SCGB2B2: variants seen among roughly 807,000 people sequenced by gnomAD.
SCGB2B2 encodes the protein secretoglobin-like protein.
SCGB2B2 carries 11 observed loss-of-function variants against 7.6 expected under a neutral mutation model. The ratio of observed to expected loss-of-function variants is 1.45; its 90% confidence interval spans 0.91 to 2.40. The LOEUF (loss-of-function observed/expected upper bound fraction) is 2.40. Ranked by LOEUF, SCGB2B2 falls within the 30% of genes most tolerant of loss-of-function variation. The pLI, the probability that SCGB2B2 is intolerant of heterozygous loss-of-function variation, is 0.00. For synonymous variants in SCGB2B2, 50 were observed against 48.6 expected (o/e 1.03, Z -0.12); for missense variants, 104 against 115.4 (o/e 0.90, Z 0.45).
In SCGB2B2 at chr19:34,594,904, T is replaced by C. The variant is rs888564946; in HGVS notation, c.-341A>G. The C allele has an allele frequency of 2.9e-6, 1 of 344,376 alleles. No individual in the cohort carries two copies. Among genetic ancestry groups the C allele is most frequent in the Non-Finnish European group, 5.6e-6 (1 of 179,966 alleles). 21.3% of individuals were successfully genotyped at this position (344,376 alleles called of 1,614,324 possible). On this transcript the variant is annotated 5_prime_UTR_variant, in exon 2 of 4. An upstream start codon of the reference 5' UTR is lost. Coordinates refer to ENST00000601241, the MANE Select transcript of SCGB2B2 (RefSeq NM_001025591.4). ...CTGCAAGTCTGAGTGTGCATGCACA[T>C]GTGACCCTGTGTCTTGGCAAACGTG...
chr19:34,649,904 C>T (rs2067119608), intron 1 of SCGB2B2, among the ~76,000 whole-genome samples: 1 of 151,224 alleles, frequency 6.6e-6, no homozygotes, highest in Non-Finnish European at 1.5e-5. Context: ...TCTCTGATCT[C>T]TGCTAGGGTG....
chr19:34,676,562 A>C lies in SCGB2B2; in HGVS notation c.-2964T>G, dbSNP rs979690029. ...CTGCTGCTCTAACAATGGAGTACCC[A>C]TTGTTTCTTTACTTTCTTAATACAC... On this transcript the variant is annotated 5_prime_UTR_variant, in exon 1 of 4. It removes an upstream start codon present in the reference 5' UTR. Coordinates refer to ENST00000601241, the MANE Select transcript of SCGB2B2 (RefSeq NM_001025591.4). 1 of 152,050 alleles carries C rather than the reference A, an allele frequency of 6.6e-6. No homozygotes were observed. Among genetic ancestry groups the C allele is most frequent in the East Asian group, 1.9e-4 (1 of 5,174 alleles). The allele number at this position is 152,050 out of a possible 1,614,324, so 9.4% of individuals were successfully genotyped here.
At position 34,671,179 on chromosome 19, in the gene SCGB2B2, G is replaced by A. The variant is rs992155766; in HGVS notation, c.-2032+4451C>T. On this transcript the variant is annotated intron_variant, in intron 1 of 3. Coordinates refer to ENST00000601241, the MANE Select transcript of SCGB2B2 (RefSeq NM_001025591.4). The stretch of plus-strand genomic sequence containing the variant: ...TACACCCACCTTGGCCTCCCAAAGT[G>A]CTGGGATTAAGGGCTGAGCTACTGC... Among the ~76,000 whole-genome samples the A allele has an allele frequency of 5.3e-5, 8 of 152,322 alleles. No homozygotes were observed. In the East Asian group the frequency reaches 1.5e-3, roughly 29 times the overall value.
intron 1 of SCGB2B2, among the ~76,000 whole-genome samples, chr19:34,664,018 C>A (rs1320977322): frequency 1.4e-5 from 2 of 141,498 alleles, no homozygotes; most frequent in African/African-American, 5.1e-5. Flanking sequence ...AGGGACTACT[C>A]CCCACTCAGC....
intron 1 of SCGB2B2, among the ~76,000 whole-genome samples, chr19:34,602,990 G>A (rs1476799251): frequency 6.6e-6 from 1 of 152,094 alleles, no homozygotes; most frequent in Non-Finnish European, 1.5e-5. Context: ...TTAAGTATTT[G>A]CCAGAACTTT....
intron 1 of SCGB2B2, among the ~76,000 whole-genome samples, chr19:34,602,003 G>A (rs995469850): frequency 9.9e-5 from 15 of 152,180 alleles, no homozygotes; most frequent in African/African-American, 3.6e-4. Flanking sequence ...AGTATTTCTG[G>A]ATACCCTTCA....
intron 1 of SCGB2B2, among the ~76,000 whole-genome samples, chr19:34,650,901 C>A (rs1458330127): frequency 6.6e-6 from 1 of 151,206 alleles, no homozygotes; most frequent in Non-Finnish European, 1.5e-5. Context: ...AGTAATCATT[C>A]CCCATGACCA....
chr19:34,644,364 T>TG (rs1488233744), intron 1 of SCGB2B2, among the ~76,000 whole-genome samples: 5 of 146,672 alleles, frequency 3.4e-5, no homozygotes, highest in Non-Finnish European at 6.0e-5. Flanking sequence ...TTTTTTTTGT[T>TG]TTTTTTTTTT....
chr19:34,591,016 AG>A lies in SCGB2B2; in HGVS notation c.*2538del, dbSNP rs1461567554. Among the ~76,000 whole-genome samples, 2 of 152,262 alleles carry A rather than the reference AG, an allele frequency of 1.3e-5. No individual in the cohort carries two copies. Among genetic ancestry groups the A allele is most frequent in the Non-Finnish European group, 2.9e-5 (2 of 68,052 alleles). ...GCTGAGTTTTAATTGAGACTGAATA[AG>A]TAGCATGATCTGCATTATTTTCTTT... On this transcript the variant is annotated 3_prime_UTR_variant, in exon 4 of 4. Transcript: ENST00000601241.
intron 1 of SCGB2B2, among the ~76,000 whole-genome samples, chr19:34,628,559 T>C (rs930662786): frequency 6.6e-6 from 1 of 151,742 alleles, no homozygotes; most frequent in Non-Finnish European, 1.5e-5. Flanking sequence ...CTCCCAAGAC[T>C]AAACCGGGAA....
chr19:34,670,881 T>G (rs1287978740), intron 1 of SCGB2B2, among the ~76,000 whole-genome samples: 2 of 152,250 alleles, frequency 1.3e-5, no homozygotes, highest in East Asian at 3.8e-4. Flanking sequence ...GAGTTAGTTC[T>G]TGAATATTGT....
chr19:34,640,247 G>A (rs1036611013), intron 1 of SCGB2B2, among the ~76,000 whole-genome samples: 2 of 152,026 alleles, frequency 1.3e-5, no homozygotes, highest in African/African-American at 4.8e-5. Flanking sequence ...GATCACAGGT[G>A]TGCACCAGAC....
intron 1 of SCGB2B2, among the ~76,000 whole-genome samples, chr19:34,610,844 T>G (rs538600099): frequency 6.6e-6 from 1 of 151,868 alleles, no homozygotes; most frequent in Non-Finnish European, 1.5e-5. Flanking sequence ...CAGAGTGAGT[T>G]TGAAAGAATT....
rs368723398 is a variant in SCGB2B2 at position 34,609,197 on chromosome 19, TGA to T, written c.-2031-12605_-2031-12604del. Reference sequence around the variant, plus strand: ...TGTGTTTTTTCCATGTTGAGCTGTTTGAGTTCCTTGTATATTCTGGATATGAA... The same window carrying T: ...TGTGTTTTTTCCATGTTGAGCTGTTTGTTCCTTGTATATTCTGGATATGAA... On this transcript the variant is annotated intron_variant, in intron 1 of 3. Coordinates refer to ENST00000601241, the MANE Select transcript of SCGB2B2 (RefSeq NM_001025591.4). 2.3e-3 allele frequency among the ~76,000 whole-genome samples: 352 copies of T among 152,298 alleles called. 6 individuals are homozygous for T. The South Asian group carries it at 0.03, about 13-fold the overall frequency.
intron 1 of SCGB2B2, among the ~76,000 whole-genome samples, chr19:34,668,289 C>T (rs2067696059): frequency 6.6e-6 from 1 of 152,158 alleles, no homozygotes. Flanking sequence ...GCACTCCGAG[C>T]TGCCGGCCGG....
chr19:34,589,850 C>T (rs548528977), downstream of SCGB2B2, among the ~76,000 whole-genome samples: 175 of 152,090 alleles, frequency 1.2e-3, 1 homozygote, highest in African/African-American at 4.0e-3. Flanking sequence ...CAGGAGCCCC[C>T]GAGGGCTTTT....
intron 1 of SCGB2B2, among the ~76,000 whole-genome samples, chr19:34,630,118 T>C (rs1203973051): frequency 6.6e-6 from 1 of 151,874 alleles, no homozygotes; most frequent in Non-Finnish European, 1.5e-5. Context: ...TAATTCAAGA[T>C]GGATTAAAGA....
chr19:34,586,517 A>T (rs2065192401), downstream of SCGB2B2, among the ~76,000 whole-genome samples: 1 of 152,224 alleles, frequency 6.6e-6, no homozygotes. Context: ...ATTCAATCAT[A>T]CAGTATGGAA....
intron 1 of SCGB2B2, among the ~76,000 whole-genome samples, chr19:34,644,783 A>G (rs1197465002): frequency 6.6e-6 from 1 of 152,246 alleles, no homozygotes; most frequent in Non-Finnish European, 1.5e-5. Context: ...ACGGACACTT[A>G]GGACATTTCC....
Sources: gnomAD v4.1 joint callset for allele counts (sites outside exome capture counted in the v4.1 genomes callset) on GRCh38, gnomAD v4.1.1 for gene constraint, MANE v1.5 for transcripts, NCBI Gene and HGNC (gene_info 2026-07-23, HGNC 2026-07-21) for gene names.